Variants in NDUFS4 observed in about 807,000 individuals in gnomAD.
NDUFS4 encodes NADH dehydrogenase [ubiquinone] iron-sulfur protein 4, mitochondrial.
Under a neutral mutation model 24.3 loss-of-function variants are expected in NDUFS4, and 28 were observed. That is an observed-to-expected ratio of 1.15 (90% CI 0.85 to 1.58). NDUFS4 has a LOEUF of 1.58. Ranked by LOEUF, NDUFS4 falls within the 40% of genes most tolerant of loss-of-function variation. The pLI, the probability that NDUFS4 is intolerant of heterozygous loss-of-function variation, is 0.00. For synonymous variants in NDUFS4, 93 were observed against 69.7 expected (o/e 1.34, Z -1.67); for missense variants, 223 against 207.9 (o/e 1.07, Z -0.45).
At position 53,648,234 on chromosome 5, in the gene NDUFS4, A is replaced by G. The variant is rs180868849; in HGVS notation, c.350+1829A>G. ...AGATGAGCCGCCATGTCATGGTTATAAGGAAGGGATGGAATCGGCTCATGT... is the reference window on the plus strand; with the variant it reads ...AGATGAGCCGCCATGTCATGGTTATGAGGAAGGGATGGAATCGGCTCATGT... On this transcript the variant is annotated intron_variant, in intron 3 of 4. Transcript: ENST00000296684. Among the ~76,000 whole-genome samples, 6 of 152,238 alleles carry G rather than the reference A, an allele frequency of 3.9e-5. No individual in the cohort carries two copies. In the East Asian group the frequency reaches 1.2e-3, roughly 29 times the overall value.
At chr5:53,582,235 TAAAATA>T (rs1561341089) in intron 1 of NDUFS4, among the ~76,000 whole-genome samples, 13 of 147,388 alleles carry the variant, frequency 8.8e-5, no homozygotes, top group East Asian at 2.0e-4. Context: ...TAAAATAAAA[TAAAATA>T]AAATTAAATT....
intron 1 of NDUFS4, among the ~76,000 whole-genome samples, chr5:53,584,343 A>T (rs1051484109): frequency 1.1e-4 from 17 of 152,140 alleles, no homozygotes; most frequent in African/African-American, 4.1e-4. Context: ...TATATGGTTG[A>T]CGGAGTTCAA....
At chr5:53,562,696 C>T (rs912666693) in intron 1 of NDUFS4, among the ~76,000 whole-genome samples, 1 of 152,124 alleles carries the variant, frequency 6.6e-6, no homozygotes, top group African/African-American at 2.4e-5. Flanking sequence ...AATTTATAGA[C>T]CCTCTCCCTT....
intron 2 of NDUFS4, among the ~76,000 whole-genome samples, chr5:53,639,097 A>G (rs1177259412): frequency 2.6e-5 from 4 of 151,916 alleles, no homozygotes; most frequent in East Asian, 3.9e-4. Context: ...CTTTTTTCCC[A>G]TAATGGAAAA....
intron 4 of NDUFS4, among the ~76,000 whole-genome samples, chr5:53,665,069 CT>C (rs1368867720): frequency 1.3e-5 from 2 of 152,214 alleles, no homozygotes; most frequent in Non-Finnish European, 2.9e-5. Flanking sequence ...AGCTGCAGGT[CT>C]GTTGGAGTTT....
intron 1 of NDUFS4, among the ~76,000 whole-genome samples, chr5:53,597,611 A>G (rs991018722): frequency 6.6e-6 from 1 of 152,172 alleles, no homozygotes; most frequent in African/African-American, 2.4e-5. Flanking sequence ...TGAAAAGTGT[A>G]TTTTGAAGTG....
At chr5:53,644,614 AT>A (rs1751804058) in intron 2 of NDUFS4, among the ~76,000 whole-genome samples, 1 of 152,104 alleles carries the variant, frequency 6.6e-6, no homozygotes, top group African/African-American at 2.4e-5. Context: ...TTGAACCTGA[AT>A]ATTAGAAATT....
intron 4 of NDUFS4, among the ~76,000 whole-genome samples, chr5:53,676,474 C>T (rs902195969): frequency 6.6e-6 from 1 of 152,098 alleles, no homozygotes; most frequent in African/African-American, 2.4e-5. Flanking sequence ...CAACATTGAA[C>T]TCACAGCCAA....
chr5:53,664,834 A>C (rs1303152419), intron 4 of NDUFS4, among the ~76,000 whole-genome samples: 1 of 152,114 alleles, frequency 6.6e-6, no homozygotes, highest in East Asian at 1.9e-4. Context: ...AACTCGTCAA[A>C]GTCATTCTCC....
chr5:53,655,366 A>ATTT (rs562996240), intron 3 of NDUFS4, among the ~76,000 whole-genome samples: 1,177 of 117,314 alleles, frequency 0.01, 14 homozygotes, highest in African/African-American at 0.034. Context: ...AGTTTTGCCT[A>ATTT]TTTTTTTTTT....
At chr5:53,635,671 T>C (rs1751530568) in intron 2 of NDUFS4, among the ~76,000 whole-genome samples, 1 of 152,248 alleles carries the variant, frequency 6.6e-6, no homozygotes, top group Non-Finnish European at 1.5e-5. Context: ...ATTTTCAAAA[T>C]GCTTCTGTTA....
intron 3 of NDUFS4, among the ~76,000 whole-genome samples, chr5:53,648,270 C>G (rs1751921144): frequency 6.6e-6 from 1 of 152,082 alleles, no homozygotes; most frequent in African/African-American, 2.4e-5. Flanking sequence ...CCCTCAAAGC[C>G]CATAATTGTC....
chr5:53,675,193 A>G (rs186636433), intron 4 of NDUFS4, among the ~76,000 whole-genome samples: 12,503 of 119,086 alleles, frequency 0.1, 889 homozygotes, highest in Admixed American at 0.26. Context: ...GCGGAGTCTC[A>G]CTCTGTCACC....
chr5:53,651,923 C>G (rs1255170341), intron 3 of NDUFS4, among the ~76,000 whole-genome samples: 1 of 151,996 alleles, frequency 6.6e-6, no homozygotes, highest in Non-Finnish European at 1.5e-5. Context: ...CAGGCACCTG[C>G]ACCACGCCCG....
intron 1 of NDUFS4, among the ~76,000 whole-genome samples, chr5:53,567,748 T>C (rs1749082775): frequency 6.6e-6 from 1 of 152,186 alleles, no homozygotes; most frequent in South Asian, 2.1e-4. Flanking sequence ...TTTCATTTAT[T>C]ATGGATTTGA....
intron 1 of NDUFS4, among the ~76,000 whole-genome samples, chr5:53,596,402 C>T (rs1470680136): frequency 6.6e-6 from 1 of 152,066 alleles, no homozygotes; most frequent in Non-Finnish European, 1.5e-5. Flanking sequence ...CACTGTACTC[C>T]AGCGTAGGTG....
At chr5:53,621,026 G>T (rs997980708) in intron 2 of NDUFS4, among the ~76,000 whole-genome samples, 1 of 152,094 alleles carries the variant, frequency 6.6e-6, no homozygotes, top group Non-Finnish European at 1.5e-5. Flanking sequence ...TTTTCTGTTA[G>T]TTCTTGAGAG....
At chr5:53,620,987 G>A (rs186669109) in intron 2 of NDUFS4, among the ~76,000 whole-genome samples, 14 of 152,232 alleles carry the variant, frequency 9.2e-5, no homozygotes, top group Admixed American at 6.5e-4. Flanking sequence ...CTCACATTTT[G>A]TATATCTTTA....
At chr5:53,590,417 T>C (rs532287580) in intron 1 of NDUFS4, among the ~76,000 whole-genome samples, 2 of 152,264 alleles carry the variant, frequency 1.3e-5, no homozygotes, top group South Asian at 2.1e-4. Context: ...AATCAAGAGG[T>C]TAATAATTGG....
Sources: allele counts gnomAD v4.1 joint callset (sites outside exome capture counted in the v4.1 genomes callset), GRCh38; gene constraint gnomAD v4.1.1; transcripts MANE v1.5; gene names NCBI Gene and HGNC (gene_info 2026-07-23, HGNC 2026-07-21).